FGF14: variants seen among roughly 807,000 people sequenced by gnomAD.
FGF14 encodes fibroblast growth factor 14, also known as fibroblast growth factor homologous factor 4.
Under a neutral mutation model 25.5 loss-of-function variants are expected in FGF14, and 5 were observed. That is an observed-to-expected ratio of 0.20 (90% CI 0.10 to 0.41). The LOEUF is 0.41. Among genes scored for constraint, FGF14 ranks in the 10% least tolerant of loss-of-function variants. FGF14 has a pLI of 1.00. For missense variants in FGF14, 222 were observed against 320.1 expected (o/e 0.69, Z 2.34); for synonymous variants, 138 against 118.3 (o/e 1.17, Z -1.08).
intron 1 of FGF14, among the ~76,000 whole-genome samples, chr13:102,347,005 T>C (rs956113392): frequency 1.3e-5 from 2 of 152,046 alleles, no homozygotes; most frequent in African/African-American, 4.8e-5. Context: ...CATCCAAAAG[T>C]GGATAGCCAG....
At chr13:101,752,598 A>C (rs2037360529) in intron 3 of FGF14, among the ~76,000 whole-genome samples, 2 of 152,210 alleles carry the variant, frequency 1.3e-5, no homozygotes, top group African/African-American at 4.8e-5. Context: ...GGGATTTCCC[A>C]AACTGCATTG....
chr13:102,387,311 A>G (rs1371244623), intron 1 of FGF14, among the ~76,000 whole-genome samples: 1 of 152,194 alleles, frequency 6.6e-6, no homozygotes, highest in Non-Finnish European at 1.5e-5. Context: ...TATAACAGAA[A>G]AGAGTAAGGA....
At chr13:101,805,809 C>A (rs7328940) in intron 3 of FGF14, among the ~76,000 whole-genome samples, 103,245 of 151,814 alleles carry the variant, frequency 0.68, 35,402 homozygotes, top group East Asian at 0.77. Context: ...ACTTCAATAC[C>A]ACCCAAGTCA....
intron 3 of FGF14, among the ~76,000 whole-genome samples, chr13:101,743,762 C>T (rs1350607932): frequency 6.6e-6 from 1 of 152,088 alleles, no homozygotes; most frequent in East Asian, 1.9e-4. Flanking sequence ...GATATTTTTA[C>T]CATAAGCTTA....
intron 1 of FGF14, among the ~76,000 whole-genome samples, chr13:102,044,846 T>G (rs1421253458): frequency 1.3e-5 from 2 of 152,110 alleles, no homozygotes; most frequent in Admixed American, 6.6e-5. Flanking sequence ...TCATTTACAG[T>G]TTAATGGAAA....
intron 1 of FGF14, among the ~76,000 whole-genome samples, chr13:102,064,626 C>A (rs574654268): frequency 4.0e-5 from 6 of 151,832 alleles, no homozygotes; most frequent in Admixed American, 2.6e-4. Context: ...GCACGAAATT[C>A]AAATTTGTGT....
chr13:102,271,098 T>C (rs2053223128), intron 1 of FGF14, among the ~76,000 whole-genome samples: 1 of 152,172 alleles, frequency 6.6e-6, no homozygotes, highest in Non-Finnish European at 1.5e-5. Flanking sequence ...TAGTTTCATC[T>C]TGCTATGTGA....
intron 1 of FGF14, among the ~76,000 whole-genome samples, chr13:102,180,963 A>G (rs1412186578): frequency 6.6e-6 from 1 of 152,144 alleles, no homozygotes; most frequent in Non-Finnish European, 1.5e-5. Context: ...TCATGTTTAT[A>G]TTATAGTAAA....
chr13:102,156,674 G>A (rs1288368496), intron 1 of FGF14, among the ~76,000 whole-genome samples: 1 of 152,174 alleles, frequency 6.6e-6, no homozygotes, highest in Non-Finnish European at 1.5e-5. Flanking sequence ...AATTAGGCAG[G>A]AGAAGGAAAT....
At chr13:101,781,875 A>G (rs2039510302) in intron 3 of FGF14, among the ~76,000 whole-genome samples, 1 of 152,250 alleles carries the variant, frequency 6.6e-6, no homozygotes, top group South Asian at 2.1e-4. Flanking sequence ...GAATGTTTAT[A>G]TAAGCAAAGA....
chr13:101,934,261 T>C (rs1174911518), intron 1 of FGF14, among the ~76,000 whole-genome samples: 1 of 152,202 alleles, frequency 6.6e-6, no homozygotes, highest in Non-Finnish European at 1.5e-5. Context: ...TATTCGTACA[T>C]TTTAGTACTA....
chr13:101,770,525 G>A (rs2038705161), intron 3 of FGF14, among the ~76,000 whole-genome samples: 1 of 152,062 alleles, frequency 6.6e-6, no homozygotes, highest in South Asian at 2.1e-4. Context: ...TATTATCTCA[G>A]CTCAGGGTTG....
At position 102,161,570 on chromosome 13, in the gene FGF14, A is replaced by AAGAAGAAGAAGAAGAAG; in HGVS notation, c.208+239900_208+239901insCTTCTTCTTCTTCTTCT. 5.3e-4 allele frequency among the ~76,000 whole-genome samples: 3 copies of AAGAAGAAGAAGAAGAAG among 5,652 alleles called. 1 individual carries two copies. Among genetic ancestry groups the AAGAAGAAGAAGAAGAAG allele is most frequent in the African/African-American group, 6.0e-3 (2 of 334 alleles). 3.7% of individuals were successfully genotyped at this position (5,652 alleles called of 152,430 possible). On this transcript the variant is annotated intron_variant, in intron 1 of 4. Coordinates refer to the FGF14 transcript ENST00000376131. Reference sequence around the variant, plus strand: ...TCTATGCAACCAACTTTCTGTGAAGAAAGAAAGAAGAAGAAGAAGAAGAAG... The same window carrying AAGAAGAAGAAGAAGAAG: ...TCTATGCAACCAACTTTCTGTGAAGAAGAAGAAGAAGAAGAAGAAGAAAGAAGAAGAAGAAGAAGAAG...
At chr13:101,766,967 A>G (rs2038444434) in intron 3 of FGF14, among the ~76,000 whole-genome samples, 1 of 152,216 alleles carries the variant, frequency 6.6e-6, no homozygotes, top group East Asian at 1.9e-4. Flanking sequence ...TATTATGCAT[A>G]ATAGTCTTAA....
intron 1 of FGF14, among the ~76,000 whole-genome samples, chr13:102,297,011 A>G (rs1191402612): frequency 1.3e-5 from 2 of 152,090 alleles, no homozygotes; most frequent in Non-Finnish European, 2.9e-5. Flanking sequence ...CAACAACAAC[A>G]AAAAAAGTAA....
intron 3 of FGF14, among the ~76,000 whole-genome samples, chr13:101,775,068 G>A (rs1566885379): frequency 6.6e-6 from 1 of 151,758 alleles, no homozygotes; most frequent in South Asian, 2.1e-4. Context: ...AATTTATATG[G>A]ACTATGTGTT....
At chr13:101,921,661 T>C (rs2034016740), upstream of FGF14, among the ~76,000 whole-genome samples, 1 of 152,180 alleles carries the variant, frequency 6.6e-6, no homozygotes, top group African/African-American at 2.4e-5. Flanking sequence ...ACCAAAGTCC[T>C]CACTGTAGTG....
At chr13:102,138,659 C>T (rs1469465596) in intron 1 of FGF14, among the ~76,000 whole-genome samples, 3 of 151,674 alleles carry the variant, frequency 2.0e-5, no homozygotes, top group South Asian at 4.2e-4. Flanking sequence ...CCTCAGCCAC[C>T]GAGGAGGCCC....
At chr13:101,766,004 C>T (rs2038365964) in intron 3 of FGF14, among the ~76,000 whole-genome samples, 1 of 152,190 alleles carries the variant, frequency 6.6e-6, no homozygotes, top group Non-Finnish European at 1.5e-5. Context: ...GCTGGGATTA[C>T]AGGCATGAGC....
Sources: allele counts gnomAD v4.1 joint callset (sites outside exome capture counted in the v4.1 genomes callset), GRCh38; gene constraint gnomAD v4.1.1; transcripts MANE v1.5; gene names NCBI Gene and HGNC (gene_info 2026-07-23, HGNC 2026-07-21).